Variants in BCO1 observed in about 807,000 individuals in gnomAD.
The protein encoded by BCO1 is beta-carotene oxygenase 1.
BCO1 carries 54 observed loss-of-function variants against 56.3 expected under a neutral mutation model. That is an observed-to-expected ratio of 0.96 (90% confidence interval 0.77 to 1.20). BCO1 has a LOEUF of 1.20. Ranked by LOEUF, BCO1 falls within the 50% of genes most tolerant of loss-of-function variation. The pLI, the probability that BCO1 is intolerant of heterozygous loss-of-function variation, is 0.00. For missense variants in BCO1, 801 were observed against 690.9 expected, an observed-to-expected ratio of 1.16 and a Z score of -1.79; for synonymous variants, 318 against 266.1, an observed-to-expected ratio of 1.20 and a Z score of -1.90.
In BCO1 at chr16:81,270,111, C is replaced by G. The variant is rs1301451377; in HGVS notation, c.844-48C>G. On this transcript the variant is annotated intron_variant, in intron 6 of 10. Transcript: ENST00000258168. ...GTTCAGCCCCCAGATGCCACAGTGC[C>G]AGGCTGAGAGAGGGTGAGCTGAGCC... 1.9e-6 allele frequency: 3 copies of G among 1,612,298 alleles called. No individual in the cohort carries two copies. The Admixed American group carries it at 5.0e-5, about 27-fold the overall frequency.
Position 81,264,766 on chromosome 16 carries a change from A to G in BCO1, c.598A>G (p.Lys200Glu), listed in dbSNP as rs113894835. 3.8e-5 allele frequency: 62 copies of G among 1,614,184 alleles called. No individual in the cohort carries two copies. Among genetic ancestry groups the G allele is most frequent in the African/African-American group, 9.3e-5 (7 of 75,056 alleles). The stretch of plus-strand genomic sequence containing the variant: ...GGGGAAGACAAAGTATGTGATTTTT[A>G]AGATCCCTGCCACAGTACCAGGTAG... ...EKGKTKYVIFKIPATVPEGKK... is the reference protein window; with the variant it reads ...EKGKTKYVIFEIPATVPEGKK... The change falls in exon 5 of 11, where the codon AAG (lysine) becomes GAG (glutamate). Residue 200 changes from lysine to glutamate, a missense_variant. Lys to Glu is a moderately conservative substitution (Grantham distance 56, BLOSUM62 1). Coordinates refer to ENST00000258168, the MANE Select transcript of BCO1 (RefSeq NM_017429.3).
At chr16:81,256,115 C>T (rs1471259071) in intron 2 of BCO1, among the ~76,000 whole-genome samples, 2 of 148,972 alleles carry the variant, frequency 1.3e-5, no homozygotes, top group Non-Finnish European at 3.0e-5. Flanking sequence ...TGCGCATGGC[C>T]GATTTTTTTT....
chr16:81,253,364 A>T (rs1039159642), intron 2 of BCO1, among the ~76,000 whole-genome samples: 3 of 152,184 alleles, frequency 2.0e-5, no homozygotes, highest in African/African-American at 7.2e-5. Flanking sequence ...GTGACTCTGC[A>T]AGGACTGTGT....
At chr16:81,279,377 A>C (rs189689486) in intron 7 of BCO1, among the ~76,000 whole-genome samples, 1 of 152,194 alleles carries the variant, frequency 6.6e-6, no homozygotes, top group African/African-American at 2.4e-5. Context: ...TTGTTCCTCA[A>C]TATCTTCCAG....
At chr16:81,289,825 G>A (rs1291878021) in intron 10 of BCO1, among the ~76,000 whole-genome samples, 1 of 152,204 alleles carries the variant, frequency 6.6e-6, no homozygotes, top group East Asian at 1.9e-4. Flanking sequence ...GACTGGCCCA[G>A]CCAAGGGTAG....
At chr16:81,242,498 C>G (rs1905176876) in intron 1 of BCO1, among the ~76,000 whole-genome samples, 1 of 152,094 alleles carries the variant, frequency 6.6e-6, no homozygotes. Flanking sequence ...ACCGCGCTGG[C>G]CTCGGCTGTC....
intron 6 of BCO1, among the ~76,000 whole-genome samples, chr16:81,269,908 C>T (rs1218305301): frequency 6.6e-6 from 1 of 152,100 alleles, no homozygotes; most frequent in Non-Finnish European, 1.5e-5. Context: ...CTCCTAGTGA[C>T]TGCAAAGACT....
Position 81,259,756 on chromosome 16 carries a change from G to T in BCO1, c.274G>T (p.Glu92Ter). The part of the protein sequence containing the change: ...NIEANRIVVS[E>*]FGTMAYPDPC... ...TGAGGCAAACAGGATTGTGGTGTCTGAGTTTGGAACAATGGCCTATCCGGA... is the reference window on the plus strand; with the variant it reads ...TGAGGCAAACAGGATTGTGGTGTCTTAGTTTGGAACAATGGCCTATCCGGA... The change falls in exon 3 of 11, where the codon GAG becomes TAG. Residue 92 changes from glutamate (E) to a stop codon, truncating the protein, a stop_gained. Coordinates refer to ENST00000258168, the MANE Select transcript of BCO1 (RefSeq NM_017429.3). LOFTEE classifies it high-confidence loss of function. The T allele has an allele frequency of 1.2e-6, 2 of 1,614,238 alleles. No individual in the cohort carries two copies. The highest frequency in any genetic ancestry group is 1.7e-6 in the Non-Finnish European group (2 of 1,180,030).
intron 3 of BCO1, among the ~76,000 whole-genome samples, chr16:81,260,358 T>C (rs889767737): frequency 6.6e-6 from 1 of 150,994 alleles, no homozygotes; most frequent in Non-Finnish European, 1.5e-5. Flanking sequence ...TAAGCTGTAC[T>C]TTGTGTGAAA....
In BCO1 at chr16:81,241,268, G is replaced by A. The variant is rs145421935; in HGVS notation, c.64+2296G>A. Among the ~76,000 whole-genome samples, 487 of 151,574 alleles carry A rather than the reference G, an allele frequency of 3.2e-3. 3 individuals are homozygous for A. Among genetic ancestry groups the A allele is most frequent in the African/African-American group, 0.011 (453 of 41,428 alleles). ...GCAGAGGTTGTAGTGAGCCAAGATC[G>A]CACCACTGTACTCCAGCCTGGGCAA... is the stretch of plus-strand genomic sequence containing the variant. On this transcript the variant is annotated intron_variant, in intron 1 of 10. Transcript: ENST00000258168.
In BCO1 at chr16:81,285,599, G is replaced by A. The variant is rs1192063354; in HGVS notation, c.1267G>A (p.Ala423Thr). 2 of 1,613,468 alleles carry A rather than the reference G, an allele frequency of 1.2e-6. No homozygotes were observed. The highest frequency in any genetic ancestry group is 1.7e-6 in the Non-Finnish European group (2 of 1,179,476). Residue 423 changes from alanine (A) to threonine (T), a missense_variant, in exon 9 of 11, where the codon GCT (alanine) becomes ACT (threonine). By Grantham distance (58) the Ala-to-Thr change is moderately conservative (BLOSUM62 0). Coordinates refer to ENST00000258168, the MANE Select transcript of BCO1 (RefSeq NM_017429.3). Reference sequence around the variant, plus strand: ...TGGAAAGCAATACCGATATGTCTTTGCTACAGGAGTTCAGTGGAGTCCAAT... The same window carrying A: ...TGGAAAGCAATACCGATATGTCTTTACTACAGGAGTTCAGTGGAGTCCAAT... ...HNGKQYRYVF[A>T]TGVQWSPIPT...
At chr16:81,264,577 G>A (rs1906691062) in intron 4 of BCO1, 63 bp from the exon 5 acceptor site, 1 of 1,580,762 alleles carries the variant, frequency 6.3e-7, no homozygotes, top group Non-Finnish European at 8.7e-7. Context: ...ACCAGATGAT[G>A]TCATATCTTG....
intron 6 of BCO1, 82 bp from the exon 7 acceptor site, chr16:81,270,077 C>A (rs921312740): frequency 6.2e-5 from 97 of 1,566,202 alleles, no homozygotes; most frequent in South Asian, 2.3e-4. Context: ...CCTGGCGGGG[C>A]TGGGTTTTGT....
chr16:81,248,275 C>T (rs978592769), intron 2 of BCO1, among the ~76,000 whole-genome samples: 18 of 151,802 alleles, frequency 1.2e-4, no homozygotes, highest in Non-Finnish European at 2.5e-4. Context: ...TTGTGGTGAG[C>T]ACCTGTAATC....
intron 1 of BCO1, among the ~76,000 whole-genome samples, chr16:81,241,338 G>C (rs1469200045): frequency 1.3e-5 from 2 of 151,976 alleles, no homozygotes; most frequent in Non-Finnish European, 2.9e-5. Flanking sequence ...AGGCACCTAT[G>C]ATACCTACCT....
At chr16:81,273,277 C>T (rs1597368680) in intron 7 of BCO1, among the ~76,000 whole-genome samples, 1 of 152,162 alleles carries the variant, frequency 6.6e-6, no homozygotes, top group Non-Finnish European at 1.5e-5. Flanking sequence ...GCCACCGTGG[C>T]CGGCCCTAAA....
intron 8 of BCO1, 74 bp from the exon 9 acceptor site, chr16:81,285,466 C>T: frequency 9.1e-7 from 1 of 1,099,012 alleles, no homozygotes; most frequent in East Asian, 2.4e-5. Context: ...AAAGGCTACC[C>T]AATCTGACAG....
intron 3 of BCO1, among the ~76,000 whole-genome samples, chr16:81,260,485 T>TTTC (rs1567705062): frequency 6.6e-6 from 1 of 152,118 alleles, no homozygotes; most frequent in African/African-American, 2.4e-5. Context: ...GTATATATTT[T>TTTC]ATTTCATTTC....
chr16:81,277,706 C>G (rs1907640824), intron 7 of BCO1, among the ~76,000 whole-genome samples: 1 of 152,156 alleles, frequency 6.6e-6, no homozygotes, highest in South Asian at 2.1e-4. Context: ...TATGAGAGTT[C>G]CCTTAAGTGT....
Sources: gnomAD v4.1 joint callset for allele counts (sites outside exome capture counted in the v4.1 genomes callset) on GRCh38, gnomAD v4.1.1 for gene constraint, MANE v1.5 for transcripts, NCBI Gene and HGNC (gene_info 2026-07-23, HGNC 2026-07-21) for gene names.